Variants in GATAD2A observed in about 807,000 individuals in gnomAD.
The protein encoded by GATAD2A is transcriptional repressor p66-alpha.
A neutral mutation model predicts 68.5 loss-of-function variants in GATAD2A; 12 were observed. The observed-to-expected ratio is 0.18, with a 90% CI of 0.11 to 0.28. The LOEUF (loss-of-function observed/expected upper bound fraction) is 0.28. Among genes scored for constraint, GATAD2A ranks in the 10% least tolerant of loss-of-function variants. The pLI is 1.00. For missense variants in GATAD2A, 755 were observed against 868.5 expected (o/e 0.87, Z 1.64); for synonymous variants, 410 against 375.3 (o/e 1.09, Z -1.07).
At chr19:19,436,203 C>G (rs779063165) in intron 1 of GATAD2A, 5 of 1,365,304 alleles carry the variant, frequency 3.7e-6, no homozygotes, top group Non-Finnish European at 4.9e-6. Flanking sequence ...GACCAGCACC[C>G]CATACCCCGA....
intron 1 of GATAD2A, among the ~76,000 whole-genome samples, chr19:19,411,597 G>C (rs553324243): frequency 1.3e-5 from 2 of 152,360 alleles, no homozygotes; most frequent in East Asian, 1.9e-4. Flanking sequence ...GAGTTGGACA[G>C]ATCTGGCTTT....
rs200145794 is a variant in GATAD2A, at chr19:19,386,358, GAC to G, written c.-7+225_-7+226del. Among the ~76,000 whole-genome samples the G allele has an allele frequency of 5.2e-3, 783 of 150,186 alleles. 4 individuals are homozygous for G. The highest frequency in any genetic ancestry group is 0.041 in the South Asian group (196 of 4,734). On this transcript the variant is annotated intron_variant, in intron 1 of 11. Coordinates refer to the GATAD2A transcript ENST00000360315. ...CTTAGGGACCCTCGCCTCTCTTGGGGACACACCCGCCTCTCTAGGGGCCTCCC... is the reference window on the plus strand; with the variant it reads ...CTTAGGGACCCTCGCCTCTCTTGGGGACACCCGCCTCTCTAGGGGCCTCCC...
intron 1 of GATAD2A, among the ~76,000 whole-genome samples, chr19:19,454,734 C>CG (rs2056765857): frequency 7.7e-6 from 1 of 129,732 alleles, no homozygotes; most frequent in African/African-American, 2.8e-5. Flanking sequence ...CTGTGCCCCC[C>CG]CCCACCCCCT....
chr19:19,399,451 A>G (rs1450649292), intron 1 of GATAD2A, among the ~76,000 whole-genome samples: 1 of 152,158 alleles, frequency 6.6e-6, no homozygotes, highest in Non-Finnish European at 1.5e-5. Flanking sequence ...TGGGTCTCCC[A>G]AAGTGCTGAG....
chr19:19,485,349 C>T (rs1268534010), intron 2 of GATAD2A, among the ~76,000 whole-genome samples: 2 of 152,216 alleles, frequency 1.3e-5, no homozygotes, highest in East Asian at 1.9e-4. Context: ...TGGTCCCGCC[C>T]AGCTGGGCAC....
chr19:19,431,629 G>A (rs2053760792), intron 1 of GATAD2A, among the ~76,000 whole-genome samples: 2 of 150,652 alleles, frequency 1.3e-5, no homozygotes, highest in Admixed American at 6.6e-5. Context: ...AGGAGGCAGA[G>A]GTTGCAGTGA....
intron 10 of GATAD2A, 71 bp downstream of exon 10, chr19:19,502,114 G>A (rs1318355795): frequency 8.8e-7 from 1 of 1,140,850 alleles, no homozygotes; most frequent in Non-Finnish European, 1.3e-6. Context: ...GTCGCCGACT[G>A]TCACGCTGCC....
At chr19:19,492,059 A>T (rs1026427177) in intron 2 of GATAD2A, among the ~76,000 whole-genome samples, 6 of 152,228 alleles carry the variant, frequency 3.9e-5, no homozygotes, top group African/African-American at 1.4e-4. Flanking sequence ...CCCTGGCGAC[A>T]TGGCGGCAGG....
intron 1 of GATAD2A, among the ~76,000 whole-genome samples, chr19:19,441,188 G>A (rs932287465): frequency 2.6e-5 from 4 of 151,904 alleles, no homozygotes; most frequent in African/African-American, 9.7e-5. Context: ...GATTACAGGC[G>A]CCCGCCACCA....
intron 1 of GATAD2A, among the ~76,000 whole-genome samples, chr19:19,437,152 CAG>C (rs1220800980): frequency 6.6e-6 from 1 of 152,136 alleles, no homozygotes; most frequent in Non-Finnish European, 1.5e-5. Context: ...TGTTTTGAGA[CAG>C]GGTCTCACTC....
At chr19:19,423,990 A>G (rs768294168) in intron 1 of GATAD2A, among the ~76,000 whole-genome samples, 1 of 152,068 alleles carries the variant, frequency 6.6e-6, no homozygotes, top group African/African-American at 2.4e-5. Context: ...TTGCATGATC[A>G]TGGGTCACTG....
At chr19:19,446,442 C>A (rs1178083679) in intron 1 of GATAD2A, among the ~76,000 whole-genome samples, 1 of 149,670 alleles carries the variant, frequency 6.7e-6, no homozygotes, top group Admixed American at 6.7e-5. Context: ...AGACCCTTAT[C>A]AGGTGTATGA....
At chr19:19,420,835 G>T (rs1014674040) in intron 1 of GATAD2A, among the ~76,000 whole-genome samples, 1 of 152,176 alleles carries the variant, frequency 6.6e-6, no homozygotes, top group Admixed American at 6.5e-5. Flanking sequence ...ACCTCGTTCT[G>T]TGGTTATGAG....
chr19:19,474,392 G>A (rs2058527480), intron 2 of GATAD2A, among the ~76,000 whole-genome samples: 1 of 152,130 alleles, frequency 6.6e-6, no homozygotes, highest in Non-Finnish European at 1.5e-5. Context: ...CTCCAGAAGG[G>A]CCCTCACGCA....
intron 1 of GATAD2A, among the ~76,000 whole-genome samples, chr19:19,410,618 C>T (rs1247089995): frequency 6.6e-6 from 1 of 152,212 alleles, no homozygotes; most frequent in Non-Finnish European, 1.5e-5. Flanking sequence ...CGAGCACACA[C>T]TTTAAAAATA....
At chr19:19,490,603 A>AG (rs2059725685) in intron 2 of GATAD2A, among the ~76,000 whole-genome samples, 1 of 151,900 alleles carries the variant, frequency 6.6e-6, no homozygotes, top group Admixed American at 6.6e-5. Flanking sequence ...TCCTGCTGAC[A>AG]AAAAAAATGG....
At chr19:19,428,284 A>G (rs1268304188) in intron 1 of GATAD2A, among the ~76,000 whole-genome samples, 1 of 152,218 alleles carries the variant, frequency 6.6e-6, no homozygotes, top group Non-Finnish European at 1.5e-5. Context: ...GTCGATAGGC[A>G]GTTTAGGACT....
chr19:19,423,002 C>T (rs942132138), intron 1 of GATAD2A, among the ~76,000 whole-genome samples: 7 of 152,086 alleles, frequency 4.6e-5, no homozygotes, highest in East Asian at 3.9e-4. Flanking sequence ...TGAGCCACTG[C>T]GCCCGGCCTT....
intron 2 of GATAD2A, among the ~76,000 whole-genome samples, chr19:19,467,101 C>T (rs576464947): frequency 1.8e-4 from 28 of 152,316 alleles, no homozygotes; most frequent in African/African-American, 3.1e-4. Flanking sequence ...TTCAGCTGGG[C>T]GCGGTGACTC....
Sources: allele counts gnomAD v4.1 joint callset (sites outside exome capture counted in the v4.1 genomes callset), GRCh38; gene constraint gnomAD v4.1.1; transcripts MANE v1.5; gene names NCBI Gene and HGNC (gene_info 2026-07-23, HGNC 2026-07-21).